Variants in GRM5 observed in about 807,000 individuals in gnomAD.
The protein encoded by GRM5 is metabotropic glutamate receptor 5.
In GRM5, 19 loss-of-function variants were observed where a neutral mutation model predicts 83.1. The observed-to-expected ratio is 0.23, with a 90% confidence interval of 0.16 to 0.34. The LOEUF is 0.34. Among genes scored for constraint, GRM5 ranks in the 10% least tolerant of loss-of-function variants. GRM5 has a pLI of 1.00. For synonymous variants in GRM5, 675 were observed against 633.6 expected (o/e 1.07, Z -0.98); for missense variants, 1,160 against 1,588.3 (o/e 0.73, Z 4.58).
intron 3 of GRM5, among the ~76,000 whole-genome samples, chr11:88,656,846 G>T (rs1163046451): frequency 6.6e-6 from 1 of 151,998 alleles, no homozygotes; most frequent in Non-Finnish European, 1.5e-5. Context: ...TTATATTAGG[G>T]ATAATAATCT....
At chr11:88,610,939 A>G (rs1938295752) in intron 4 of GRM5, among the ~76,000 whole-genome samples, 1 of 152,100 alleles carries the variant, frequency 6.6e-6, no homozygotes, top group Non-Finnish European at 1.5e-5. Context: ...GGGATATTGA[A>G]TTTTATGGAA....
chr11:88,655,230 G>A (rs1939736411), intron 3 of GRM5, among the ~76,000 whole-genome samples: 1 of 152,066 alleles, frequency 6.6e-6, no homozygotes, highest in South Asian at 2.1e-4. Flanking sequence ...TTCAGCTCCA[G>A]AAGATTTTAT....
chr11:88,671,500 G>C (rs904311837), intron 3 of GRM5, among the ~76,000 whole-genome samples: 1 of 151,894 alleles, frequency 6.6e-6, no homozygotes, highest in African/African-American at 2.4e-5. Context: ...ATTTGAAATA[G>C]TCTCATTTTA....
chr11:88,633,446 G>C (rs1310160522), intron 4 of GRM5, among the ~76,000 whole-genome samples: 1 of 151,948 alleles, frequency 6.6e-6, no homozygotes, highest in Non-Finnish European at 1.5e-5. Context: ...GTCATGAATG[G>C]GTTTTCATGT....
intron 3 of GRM5, among the ~76,000 whole-genome samples, chr11:88,681,345 C>T (rs1018678297): frequency 6.6e-6 from 1 of 151,808 alleles, no homozygotes; most frequent in African/African-American, 2.4e-5. Flanking sequence ...TCAAAACTTC[C>T]TACAAAATTG....
intron 2 of GRM5, among the ~76,000 whole-genome samples, chr11:88,991,098 G>A (rs1213995763): frequency 6.6e-6 from 1 of 152,160 alleles, no homozygotes; most frequent in Non-Finnish European, 1.5e-5. Flanking sequence ...CGACATGATT[G>A]TGTATCTAGA....
At chr11:88,556,324 C>CTTTTTTT (rs377331160) in intron 8 of GRM5, among the ~76,000 whole-genome samples, 2 of 129,756 alleles carry the variant, frequency 1.5e-5, no homozygotes, top group African/African-American at 5.8e-5. Flanking sequence ...CTTTTCTTTT[C>CTTTTTTT]TTTTTTTTTT....
intron 8 of GRM5, among the ~76,000 whole-genome samples, chr11:88,557,007 A>G (rs1419479460): frequency 1.3e-5 from 2 of 152,152 alleles, no homozygotes; most frequent in Non-Finnish European, 2.9e-5. Flanking sequence ...CAACAGTAAC[A>G]AGAACAAAAT....
chr11:88,912,034 A>T (rs553939562), intron 2 of GRM5: 3 of 469,886 alleles, frequency 6.4e-6, no homozygotes, highest in South Asian at 4.7e-5. Context: ...GAAGTCACAA[A>T]TAAGTATTGT....
chr11:88,777,051 T>C (rs1286588814), intron 3 of GRM5, among the ~76,000 whole-genome samples: 5 of 152,246 alleles, frequency 3.3e-5, no homozygotes, highest in Non-Finnish European at 5.9e-5. Flanking sequence ...CTTGGTTCCA[T>C]TCTCCCCCTC....
intron 9 of GRM5, among the ~76,000 whole-genome samples, chr11:88,521,323 A>G (rs750456410): frequency 5.3e-5 from 8 of 152,150 alleles, no homozygotes; most frequent in Admixed American, 6.5e-5. Flanking sequence ...AGTCTGAGGC[A>G]GGAGAATCGC....
At position 88,924,015 on chromosome 11, in the gene GRM5, G is replaced by A. The variant is rs1290426917; in HGVS notation, c.662-73860C>T. Among the ~76,000 whole-genome samples the A allele has an allele frequency of 4.0e-5, 6 of 150,484 alleles. 1 individual carries two copies. In the South Asian group the frequency reaches 1.3e-3, roughly 32 times the overall value. On this transcript the variant is annotated intron_variant, in intron 2 of 9. Coordinates refer to ENST00000305447, the MANE Select transcript of GRM5 (RefSeq NM_001143831.3). ...AGGTCTGAATAGACGTTTTTCTAAG[G>A]AAGACATACAAATTGTCAACAGACA...
chr11:88,898,731 C>G (rs1206348377), intron 2 of GRM5, among the ~76,000 whole-genome samples: 2 of 151,944 alleles, frequency 1.3e-5, no homozygotes, highest in Non-Finnish European at 2.9e-5. Context: ...GGTGTTCACA[C>G]AAAACATGAT....
At chr11:88,721,550 T>C (rs1424170028) in intron 3 of GRM5, among the ~76,000 whole-genome samples, 2 of 152,144 alleles carry the variant, frequency 1.3e-5, no homozygotes, top group Non-Finnish European at 2.9e-5. Flanking sequence ...TAATCATACA[T>C]GCTTATACTG....
At chr11:88,897,738 G>A (rs1467844058) in intron 2 of GRM5, among the ~76,000 whole-genome samples, 1 of 151,900 alleles carries the variant, frequency 6.6e-6, no homozygotes. Context: ...TACTGCTAAG[G>A]TTGAGGGCCT....
At chr11:88,989,957 A>G (rs1211237607) in intron 2 of GRM5, among the ~76,000 whole-genome samples, 4 of 151,650 alleles carry the variant, frequency 2.6e-5, no homozygotes, top group South Asian at 2.1e-4. Flanking sequence ...AAGAACTAGA[A>G]AAGCAAGAGC....
At chr11:88,934,757 T>A (rs587837) in intron 2 of GRM5, among the ~76,000 whole-genome samples, 75,828 of 151,630 alleles carry the variant, frequency 0.5, 20,209 homozygotes, top group South Asian at 0.66. Flanking sequence ...TAATTCATAA[T>A]GCAATGGTTT....
intron 2 of GRM5, among the ~76,000 whole-genome samples, chr11:88,993,766 G>A (rs1374697669): frequency 1.3e-5 from 2 of 152,078 alleles, no homozygotes; most frequent in South Asian, 2.1e-4. Context: ...CTGTTGTCCA[G>A]GCTGGAGTGC....
At chr11:88,712,147 C>A (rs922633186) in intron 3 of GRM5, among the ~76,000 whole-genome samples, 4 of 152,020 alleles carry the variant, frequency 2.6e-5, no homozygotes, top group African/African-American at 4.8e-5. Context: ...ATAACTAATT[C>A]TATAAATAAC....
Sources: gnomAD v4.1 joint callset for allele counts (sites outside exome capture counted in the v4.1 genomes callset) on GRCh38, gnomAD v4.1.1 for gene constraint, MANE v1.5 for transcripts, NCBI Gene and HGNC (gene_info 2026-07-23, HGNC 2026-07-21) for gene names.